Variants in RAB10 observed in about 807,000 individuals in gnomAD.
RAB10 encodes the protein ras-related protein Rab-10.
RAB10 carries 5 observed loss-of-function variants against 25.7 expected under a neutral mutation model. The ratio of observed to expected loss-of-function variants is 0.19; its 90% CI spans 0.10 to 0.41. The LOEUF (loss-of-function observed/expected upper bound fraction) is 0.41, where lower values mean the gene tolerates loss of function less well. Ranked by LOEUF, RAB10 falls within the 10% of genes least tolerant of loss-of-function variation. RAB10 has a pLI of 1.00. For synonymous variants in RAB10, 89 were observed against 86.4 expected, an observed-to-expected ratio of 1.03 and a Z score of -0.16; for missense variants, 103 against 245.8, an observed-to-expected ratio of 0.42 and a Z score of 3.89.
intron 1 of RAB10, among the ~76,000 whole-genome samples, chr2:26,053,300 A>G (rs1243628092): frequency 6.6e-6 from 1 of 152,216 alleles, no homozygotes; most frequent in African/African-American, 2.4e-5. Context: ...ATTGAGTCCA[A>G]GTAGTTCCAC....
intron 1 of RAB10, among the ~76,000 whole-genome samples, chr2:26,044,401 C>T (rs1474300853): frequency 6.6e-6 from 1 of 152,120 alleles, no homozygotes; most frequent in East Asian, 1.9e-4. Flanking sequence ...TTTTTGTTGT[C>T]TGTATTTGCA....
intron 3 of RAB10, among the ~76,000 whole-genome samples, chr2:26,125,604 C>T (rs1411708036): frequency 6.6e-6 from 1 of 151,832 alleles, no homozygotes; most frequent in Admixed American, 6.6e-5. Context: ...CACACACCAC[C>T]GTGCCTGGCT....
chr2:26,065,818 A>G (rs1666501561), intron 1 of RAB10, among the ~76,000 whole-genome samples: 1 of 152,220 alleles, frequency 6.6e-6, no homozygotes. Context: ...TCTACAGCGT[A>G]TCTTTCAGTT....
At chr2:26,068,656 A>G (rs1666560662) in intron 1 of RAB10, among the ~76,000 whole-genome samples, 1 of 152,160 alleles carries the variant, frequency 6.6e-6, no homozygotes, top group South Asian at 2.1e-4. Context: ...TGAGCAAGTC[A>G]TTTAAACTCT....
At chr2:26,072,138 G>T (rs1666639980) in intron 1 of RAB10, among the ~76,000 whole-genome samples, 1 of 152,042 alleles carries the variant, frequency 6.6e-6, no homozygotes, top group South Asian at 2.1e-4. Flanking sequence ...ATAGAACATG[G>T]CTGGGTGCGG....
chr2:26,105,234 C>CG (rs1559594386), intron 2 of RAB10, among the ~76,000 whole-genome samples: 1 of 152,116 alleles, frequency 6.6e-6, no homozygotes, highest in Non-Finnish European at 1.5e-5. Context: ...GTGTGGAGAA[C>CG]GGCAGTCCAT....
chr2:26,051,726 C>T (rs1375106698), intron 1 of RAB10, among the ~76,000 whole-genome samples: 1 of 150,490 alleles, frequency 6.6e-6, no homozygotes, highest in Non-Finnish European at 1.5e-5. Flanking sequence ...TGCACTCTAG[C>T]CTGGGTGACA....
At position 26,034,666 on chromosome 2, in the gene RAB10, G is replaced by T; in HGVS notation, c.58G>T (p.Val20Leu). 6.2e-7 allele frequency: 1 copy of T among 1,614,260 alleles called. No homozygotes were observed. Among genetic ancestry groups the T allele is most frequent in the Non-Finnish European group, 8.5e-7 (1 of 1,180,052 alleles). ...FKLLLIGDSG[V>L]GKTCVLFRFS... ...GCTGCTCCTGATCGGGGATTCCGGA[G>T]TGGGGAAGACCTGCGTCCTTTTTCG... Residue 20 changes from valine (V) to leucine (L), a missense_variant, in exon 1 of 6, where the codon GTG becomes TTG. Coordinates refer to ENST00000264710, the MANE Select transcript of RAB10 (RefSeq NM_016131.5).
chr2:26,124,238 C>T (rs962438750), intron 3 of RAB10, among the ~76,000 whole-genome samples: 5 of 151,526 alleles, frequency 3.3e-5, no homozygotes, highest in Non-Finnish European at 5.9e-5. Flanking sequence ...TATACCCTTA[C>T]CCCCATTGTT....
intron 2 of RAB10, among the ~76,000 whole-genome samples, chr2:26,107,245 CAAAAAAA>C (rs57391958): frequency 3.0e-5 from 2 of 66,812 alleles, no homozygotes; most frequent in Admixed American, 1.7e-4. Flanking sequence ...CACCCTGTTT[CAAAAAAA>C]AAAAAAAAAA....
chr2:26,070,681 G>A (rs1666605731), intron 1 of RAB10, among the ~76,000 whole-genome samples: 1 of 152,144 alleles, frequency 6.6e-6, no homozygotes, highest in Non-Finnish European at 1.5e-5. Context: ...TGTAATTATA[G>A]AAACATTTGG....
At chr2:26,115,789 C>A (rs1667674432) in intron 3 of RAB10, among the ~76,000 whole-genome samples, 2 of 151,530 alleles carry the variant, frequency 1.3e-5, no homozygotes, top group African/African-American at 4.9e-5. Flanking sequence ...AGCTTTAATA[C>A]CTTTCCTTAC....
intron 1 of RAB10, among the ~76,000 whole-genome samples, chr2:26,059,077 C>T (rs1481388333): frequency 6.6e-6 from 1 of 152,142 alleles, no homozygotes; most frequent in Admixed American, 6.5e-5. Context: ...TCATAGACCA[C>T]ATTTAACAGT....
chr2:26,095,333 C>T (rs141032248), intron 1 of RAB10, among the ~76,000 whole-genome samples: 12 of 152,250 alleles, frequency 7.9e-5, no homozygotes, highest in Admixed American at 2.6e-4. Flanking sequence ...TCAGGCCGGG[C>T]GCGGTGGCTC....
chr2:26,097,558 G>A (rs1351808824), intron 1 of RAB10, among the ~76,000 whole-genome samples: 2 of 152,190 alleles, frequency 1.3e-5, no homozygotes, highest in African/African-American at 4.8e-5. Context: ...GATTACAGGC[G>A]TGAGCCACCG....
At chr2:26,065,218 A>G (rs550608721) in intron 1 of RAB10, among the ~76,000 whole-genome samples, 1 of 152,242 alleles carries the variant, frequency 6.6e-6, no homozygotes, top group African/African-American at 2.4e-5. Context: ...GAAGAAAGAA[A>G]AAAAGAAAAA....
chr2:26,103,137 A>G (rs528450915), intron 2 of RAB10, among the ~76,000 whole-genome samples: 39 of 152,228 alleles, frequency 2.6e-4, no homozygotes, highest in Non-Finnish European at 5.0e-4. Flanking sequence ...CTAAGCTGGG[A>G]GGGGTAGAAC....
intron 2 of RAB10, among the ~76,000 whole-genome samples, chr2:26,103,768 C>T (rs188821514): frequency 1.6e-3 from 247 of 152,242 alleles, no homozygotes; most frequent in Non-Finnish European, 2.5e-3. Flanking sequence ...CCAGGGAAAC[C>T]ACTGATCAAC....
At chr2:26,124,389 C>CGTTTTTTT (rs1667864514) in intron 3 of RAB10, among the ~76,000 whole-genome samples, 1 of 19,664 alleles carries the variant, frequency 5.1e-5, no homozygotes, top group Non-Finnish European at 8.5e-5. Flanking sequence ...GTTGTTGTTG[C>CGTTTTTTT]TTTTTTTTTT....
Sources: gnomAD v4.1 joint callset for allele counts (sites outside exome capture counted in the v4.1 genomes callset) on GRCh38, gnomAD v4.1.1 for gene constraint, MANE v1.5 for transcripts, NCBI Gene and HGNC (gene_info 2026-07-23, HGNC 2026-07-21) for gene names.